Variants in CACNA2D3 observed in about 807,000 individuals in gnomAD.
The protein encoded by CACNA2D3 is voltage-dependent calcium channel subunit alpha-2/delta-3.
In CACNA2D3, 60 loss-of-function variants were observed where a neutral mutation model predicts 160.6. The ratio of observed to expected loss-of-function variants is 0.37; its 90% CI spans 0.30 to 0.46. The LOEUF is 0.46. Ranked by LOEUF, CACNA2D3 falls within the 20% of genes least tolerant of loss-of-function variation. The pLI is 1.00. For missense variants in CACNA2D3, 1,205 were observed against 1,365.0 expected, an observed-to-expected ratio of 0.88 and a Z score of 1.85; for synonymous variants, 558 against 492.9, an observed-to-expected ratio of 1.13 and a Z score of -1.75.
chr3:54,254,899 TA>T (rs1702265516), intron 2 of CACNA2D3, among the ~76,000 whole-genome samples: 1 of 152,190 alleles, frequency 6.6e-6, no homozygotes, highest in South Asian at 2.1e-4. Flanking sequence ...TGAAGAGCAT[TA>T]ATAGGACATC....
At chr3:54,198,452 A>G (rs1701119863) in intron 2 of CACNA2D3, among the ~76,000 whole-genome samples, 1 of 152,224 alleles carries the variant, frequency 6.6e-6, no homozygotes, top group Non-Finnish European at 1.5e-5. Context: ...TCTCTTGGCC[A>G]GGCTACCTCA....
intron 4 of CACNA2D3, among the ~76,000 whole-genome samples, chr3:54,453,074 C>T (rs1295207171): frequency 6.6e-6 from 1 of 152,128 alleles, no homozygotes; most frequent in Non-Finnish European, 1.5e-5. Flanking sequence ...TGTCTGTAGC[C>T]TCAGCCTCCT....
chr3:54,920,655 G>A (rs1415791414), intron 27 of CACNA2D3, among the ~76,000 whole-genome samples: 5 of 152,130 alleles, frequency 3.3e-5, no homozygotes, highest in African/African-American at 1.2e-4. Context: ...CAGGAAGTTG[G>A]TTGCAAGACA....
chr3:54,767,799 C>G (rs1702250965), intron 13 of CACNA2D3, among the ~76,000 whole-genome samples: 1 of 152,112 alleles, frequency 6.6e-6, no homozygotes, highest in Non-Finnish European at 1.5e-5. Context: ...TGAAGAGGCT[C>G]TCATTGGTCA....
At position 54,216,516 on chromosome 3, in the gene CACNA2D3, G is replaced by A. The variant is rs183267826; in HGVS notation, c.204+92922G>A. On this transcript the variant is annotated intron_variant, in intron 2 of 37. Coordinates refer to ENST00000474759, the MANE Select transcript of CACNA2D3 (RefSeq NM_018398.3). ...CAGGTGTGTTAGGGATGGGCTGTGAGCACCAAAGTGCGAGGCCTATAGTGG... is the reference window on the plus strand; with the variant it reads ...CAGGTGTGTTAGGGATGGGCTGTGAACACCAAAGTGCGAGGCCTATAGTGG... Among the ~76,000 whole-genome samples the A allele has an allele frequency of 5.1e-3, 776 of 152,296 alleles. 4 individuals are homozygous for A. Among genetic ancestry groups the A allele is most frequent in the African/African-American group, 0.017 (705 of 41,548 alleles).
chr3:54,790,160 C>G (rs1325636957), intron 13 of CACNA2D3, among the ~76,000 whole-genome samples: 1 of 152,202 alleles, frequency 6.6e-6, no homozygotes, highest in Non-Finnish European at 1.5e-5. Flanking sequence ...TGCCACTTAG[C>G]AGCTGTGCCA....
rs1702840877 is a variant in CACNA2D3, at chr3:54,590,623, A to G, written c.963+8746A>G. ...TTATTATTATTATTATTATTATTTT[A>G]TTTGTAAGACACGGGGTCTTGCTGT... On this transcript the variant is annotated intron_variant, in intron 9 of 37. Transcript: ENST00000474759. 2.6e-5 allele frequency among the ~76,000 whole-genome samples: 3 copies of G among 116,358 alleles called. No homozygotes were observed. In the South Asian group the frequency reaches 7.9e-4, roughly 30 times the overall value. The allele number at this position is 116,358 out of a possible 152,430, so 76.3% of individuals were successfully genotyped here. A position where few individuals can be genotyped will look rare whatever the true frequency, so the allele number is the denominator to read the frequency against.
intron 27 of CACNA2D3, among the ~76,000 whole-genome samples, chr3:54,933,616 T>C (rs1238523752): frequency 6.6e-6 from 1 of 152,202 alleles, no homozygotes; most frequent in Non-Finnish European, 1.5e-5. Context: ...TGCCTCCACA[T>C]TTTATTGCAT....
At chr3:54,370,873 T>G (rs1698915674) in intron 3 of CACNA2D3, among the ~76,000 whole-genome samples, 1 of 152,050 alleles carries the variant, frequency 6.6e-6, no homozygotes, top group African/African-American at 2.4e-5. Flanking sequence ...TTAACATTTT[T>G]CCTTCAATCT....
At chr3:54,350,263 C>A (rs1310118232) in intron 3 of CACNA2D3, among the ~76,000 whole-genome samples, 1 of 152,164 alleles carries the variant, frequency 6.6e-6, no homozygotes, top group Non-Finnish European at 1.5e-5. Flanking sequence ...TTTCTAGTTA[C>A]ACAGTGTCAT....
intron 27 of CACNA2D3, chr3:54,918,614 C>T: frequency 6.2e-7 from 1 of 1,614,164 alleles, no homozygotes; most frequent in African/African-American, 1.3e-5. Flanking sequence ...ATCCCACACA[C>T]AACGCCAGTG....
intron 3 of CACNA2D3, among the ~76,000 whole-genome samples, chr3:54,353,475 A>T (rs980295508): frequency 2.0e-5 from 3 of 151,944 alleles, no homozygotes; most frequent in Non-Finnish European, 4.4e-5. Flanking sequence ...TTTTTTATAA[A>T]GGTAACACCC....
intron 4 of CACNA2D3, among the ~76,000 whole-genome samples, chr3:54,428,249 T>C (rs1347342886): frequency 6.6e-6 from 1 of 152,218 alleles, no homozygotes; most frequent in East Asian, 1.9e-4. Context: ...CTCAGGTTCT[T>C]CGTAAGCGTG....
At chr3:54,507,905 A>T (rs1701397876) in intron 5 of CACNA2D3, among the ~76,000 whole-genome samples, 1 of 152,188 alleles carries the variant, frequency 6.6e-6, no homozygotes, top group South Asian at 2.1e-4. Context: ...TGAGGATTGA[A>T]CACTTAGAGG....
chr3:54,731,431 T>C (rs1418548014), intron 11 of CACNA2D3, among the ~76,000 whole-genome samples: 2 of 152,136 alleles, frequency 1.3e-5, no homozygotes, highest in African/African-American at 2.4e-5. Context: ...ACCCCAAAAG[T>C]TGTTGATGAC....
chr3:54,169,079 C>A (rs1389842621), intron 2 of CACNA2D3, among the ~76,000 whole-genome samples: 1 of 152,188 alleles, frequency 6.6e-6, no homozygotes, highest in African/African-American at 2.4e-5. Context: ...TGTTGCTTAT[C>A]CTGAGTCTGC....
At chr3:54,611,442 T>C (rs1049478918) in intron 9 of CACNA2D3, among the ~76,000 whole-genome samples, 4 of 152,222 alleles carry the variant, frequency 2.6e-5, no homozygotes, top group African/African-American at 9.6e-5. Context: ...TCTCCACAGA[T>C]AGGGTCACCT....
chr3:54,698,353 C>G (rs1171722169), intron 11 of CACNA2D3, among the ~76,000 whole-genome samples: 1 of 152,154 alleles, frequency 6.6e-6, no homozygotes, highest in East Asian at 1.9e-4. Flanking sequence ...TTCCTTTGAA[C>G]TTTTTCAAAA....
At chr3:54,626,549 A>G (rs1699110395) in intron 9 of CACNA2D3, 6 of 1,601,106 alleles carry the variant, frequency 3.7e-6, no homozygotes, top group Non-Finnish European at 5.1e-6. Flanking sequence ...GAGATGATCG[A>G]CCACTACCTG....
Sources: allele counts gnomAD v4.1 joint callset (sites outside exome capture counted in the v4.1 genomes callset), GRCh38; gene constraint gnomAD v4.1.1; transcripts MANE v1.5; gene names NCBI Gene and HGNC (gene_info 2026-07-23, HGNC 2026-07-21).